The following MROH2B variants were observed in gnomAD, a reference collection of about 807,000 sequenced individuals.
The protein encoded by MROH2B is maestro heat like repeat family member 2B.
In MROH2B, 177 loss-of-function variants were observed where a neutral mutation model predicts 208.6. The ratio of observed to expected loss-of-function variants is 0.85; its 90% confidence interval spans 0.75 to 0.96. MROH2B has a LOEUF of 0.96. MROH2B is among the 40% of genes least tolerant of loss of function. The pLI is 0.00. For missense variants in MROH2B, 2,002 were observed against 1,878.7 expected (o/e 1.07, Z -1.21); for synonymous variants, 728 against 659.0 (o/e 1.10, Z -1.60).
At chr5:41,031,650 T>C (rs1266769704) in intron 24 of MROH2B, among the ~76,000 whole-genome samples, 1 of 152,086 alleles carries the variant, frequency 6.6e-6, no homozygotes, top group Non-Finnish European at 1.5e-5. Flanking sequence ...TATGGGTAAA[T>C]TGCATGTCAT....
In MROH2B at chr5:41,048,439, C is replaced by G; in HGVS notation, c.1569G>C (p.Gly523=). The G allele has an allele frequency of 6.2e-7, 1 of 1,613,054 alleles. No homozygotes were observed. Among genetic ancestry groups the G allele is most frequent in the Non-Finnish European group, 8.5e-7 (1 of 1,179,490 alleles). ...LLVISMPASL[G]ELRGAGAIGL... ...CTATTGCACCAGCCCCACGTAACTC[C>G]CCTAAACTGGCAGGCATAGATATTA... Residue 523 remains glycine (G), a synonymous_variant, in exon 16 of 42, where the codon GGG becomes GGC. Coordinates refer to ENST00000399564, the MANE Select transcript of MROH2B (RefSeq NM_173489.5).
At chr5:41,005,189 T>C (rs1477455166) in intron 35 of MROH2B, 62 of 532,292 alleles carry the variant, frequency 1.2e-4, no homozygotes, top group Non-Finnish European at 1.8e-4. Context: ...AAAACAGGAA[T>C]GACTGATAGT....
intron 21 of MROH2B, 51 bp downstream of exon 21, chr5:41,038,685 G>A (rs1742842505): frequency 1.3e-6 from 2 of 1,544,318 alleles, no homozygotes; most frequent in Non-Finnish European, 1.7e-6. Context: ...GCCCCTGCAA[G>A]TTTTAGGAAC....
intron 5 of MROH2B, 86 bp from the exon 6 acceptor site, chr5:41,061,810 A>G: frequency 2.2e-6 from 3 of 1,354,292 alleles, no homozygotes; most frequent in Non-Finnish European, 3.0e-6. Context: ...AGTGCTGATG[A>G]TTAGTAAATA....
chr5:41,046,947 T>C lies in MROH2B; in HGVS notation c.1728+774A>G, dbSNP rs146021756. 1.6e-3 allele frequency among the ~76,000 whole-genome samples: 245 copies of C among 152,228 alleles called. 1 individual carries two copies. Among genetic ancestry groups the C allele is most frequent in the African/African-American group, 5.7e-3 (237 of 41,528 alleles). ...CCTTTAAAACATGCCAGTTCTCAGG[T>C]ACCACCCCCAGAGATTCTGAATCTG... On this transcript the variant is annotated intron_variant, in intron 17 of 41. Coordinates refer to ENST00000399564, the MANE Select transcript of MROH2B (RefSeq NM_173489.5).
chr5:41,029,505 G>T (rs1742493486), intron 24 of MROH2B, among the ~76,000 whole-genome samples: 1 of 151,952 alleles, frequency 6.6e-6, no homozygotes, highest in African/African-American at 2.4e-5. Flanking sequence ...TTTTGCTTTT[G>T]TAGGCCAAGA....
At chr5:41,029,406 T>A (rs1742488632) in intron 24 of MROH2B, among the ~76,000 whole-genome samples, 1 of 152,164 alleles carries the variant, frequency 6.6e-6, no homozygotes, top group Non-Finnish European at 1.5e-5. Context: ...AAACATTTTT[T>A]CCCAATCCAT....
At chr5:41,005,256 C>T (rs1236221222) in intron 35 of MROH2B, 3 of 535,332 alleles carry the variant, frequency 5.6e-6, no homozygotes, top group Non-Finnish European at 9.9e-6. Flanking sequence ...AGCGTCAGTG[C>T]TACAATGCTT....
At chr5:41,000,416 A>G (rs1405265439) in intron 38 of MROH2B, 65 bp from the exon 39 acceptor site, 6 of 1,584,734 alleles carry the variant, frequency 3.8e-6, no homozygotes, top group South Asian at 1.2e-5. Flanking sequence ...AAGGGAAAAA[A>G]TGCTGAATAG....
intron 13 of MROH2B, 41 bp downstream of exon 13, chr5:41,050,936 G>T: frequency 1.5e-6 from 2 of 1,294,230 alleles, no homozygotes; most frequent in Non-Finnish European, 1.1e-6. Context: ...CTTTAAGAAG[G>T]TGATCAAAGT....
At chr5:41,060,294 T>C (rs531883514) in intron 6 of MROH2B, among the ~76,000 whole-genome samples, 9 of 152,320 alleles carry the variant, frequency 5.9e-5, no homozygotes, top group Admixed American at 5.9e-4. Flanking sequence ...CATACCCCTC[T>C]ATTGTTAATG....
chr5:41,053,027 C>A (rs1422522787), intron 11 of MROH2B, among the ~76,000 whole-genome samples: 3 of 152,134 alleles, frequency 2.0e-5, no homozygotes, highest in African/African-American at 7.2e-5. Flanking sequence ...ACCAGAAATG[C>A]TCTCTTTAGC....
At chr5:41,048,274 T>C in intron 16 of MROH2B, 50 bp downstream of exon 16, 1 of 1,539,006 alleles carries the variant, frequency 6.5e-7, no homozygotes, top group Non-Finnish European at 8.7e-7. Flanking sequence ...GTGCATTATT[T>C]CTTTATGTTC....
chr5:41,039,314 G>A, intron 20 of MROH2B, 134 bp downstream of exon 20: 2 of 598,304 alleles, frequency 3.3e-6, no homozygotes, highest in South Asian at 4.9e-5. Flanking sequence ...TAAAGACTGG[G>A]CTTGGACAGT....
In MROH2B at chr5:41,023,821, T is replaced by TAAC. The variant is rs1392250496; in HGVS notation, c.2442-4806_2442-4804dup. Among the ~76,000 whole-genome samples, 7 of 152,322 alleles carry TAAC rather than the reference T, an allele frequency of 4.6e-5. No individual in the cohort carries two copies. In the East Asian group the frequency reaches 1.4e-3, roughly 29 times the overall value. The stretch of plus-strand genomic sequence containing the variant: ...ACTCACAAAGGGAAGCCCATCAGAC[T>TAAC]AACAGCGGATCTCTCCACAGAAACT... On this transcript the variant is annotated intron_variant, in intron 24 of 41. Coordinates refer to ENST00000399564, the MANE Select transcript of MROH2B (RefSeq NM_173489.5).
intron 37 of MROH2B, among the ~76,000 whole-genome samples, chr5:41,003,393 T>C (rs1328877230): frequency 2.0e-5 from 3 of 152,112 alleles, no homozygotes; most frequent in African/African-American, 7.2e-5. Flanking sequence ...TGTGGGCATA[T>C]ATTACAGACT....
At chr5:41,060,357 T>C (rs1743597748) in intron 6 of MROH2B, among the ~76,000 whole-genome samples, 1 of 152,210 alleles carries the variant, frequency 6.6e-6, no homozygotes, top group African/African-American at 2.4e-5. Flanking sequence ...GCTTAAAACC[T>C]TTCAAGGGTT....
Position 41,033,069 on chromosome 5 carries a change from T to C in MROH2B, c.2333A>G (p.Tyr778Cys), listed in dbSNP as rs200108200. Residue 778 changes from tyrosine to cysteine, a missense_variant, in exon 23 of 42, where the codon TAC (tyrosine) becomes TGC (cysteine). Physicochemically the swap from Tyr to Cys is radical, Grantham distance 194 (BLOSUM62 -2). Transcript: ENST00000399564. ...CATGTAACCAATCAGCATCTCCTTG[T>C]AGGAAAACTGGAACCCCTGATCCTC... The part of the protein sequence containing the change: ...DAEDQGFQFS[Y>C]KEMLIGYMLD... 2.5e-6 allele frequency: 4 copies of C among 1,612,962 alleles called. No individual in the cohort carries two copies. Among genetic ancestry groups the C allele is most frequent in the East Asian group, 4.5e-5 (2 of 44,888 alleles).
rs1308362363 is a variant in MROH2B, at chr5:41,054,754, T to C, written c.1107+13A>G. The C allele has an allele frequency of 1.3e-6, 2 of 1,588,576 alleles. No individual in the cohort carries two copies. Among genetic ancestry groups the C allele is most frequent in the Admixed American group, 1.7e-5 (1 of 57,870 alleles). On this transcript the variant is annotated intron_variant, in intron 11 of 41. Coordinates refer to ENST00000399564, the MANE Select transcript of MROH2B (RefSeq NM_173489.5). ...AAGCTACCATCGACAAGAGTTTCTA[T>C]TAATTCTCTTACTTTTGTACTGAGA...
Sources: gnomAD v4.1 joint callset for allele counts (sites outside exome capture counted in the v4.1 genomes callset) on GRCh38, gnomAD v4.1.1 for gene constraint, MANE v1.5 for transcripts, NCBI Gene and HGNC (gene_info 2026-07-23, HGNC 2026-07-21) for gene names.